CACNA1D: variants seen among roughly 807,000 people sequenced by gnomAD.
CACNA1D encodes the protein voltage-dependent L-type calcium channel subunit alpha-1D.
Under a neutral mutation model 257.1 loss-of-function variants are expected in CACNA1D, and 55 were observed. The ratio of observed to expected loss-of-function variants is 0.21; its 90% CI spans 0.17 to 0.27. The LOEUF is 0.27. CACNA1D is among the 10% of genes least tolerant of loss of function. The pLI, the probability that CACNA1D is intolerant of heterozygous loss-of-function variation, is 1.00. For synonymous variants in CACNA1D, 980 were observed against 1,014.9 expected, an observed-to-expected ratio of 0.97 and a Z score of 0.65; for missense variants, 1,876 against 2,784.0, an observed-to-expected ratio of 0.67 and a Z score of 7.34.
rs149172870 is a variant in CACNA1D, at chr3:53,793,350, C to T, written c.4923+6398C>T. 4.6e-5 allele frequency among the ~76,000 whole-genome samples: 7 copies of T among 152,310 alleles called. No individual in the cohort carries two copies. Among genetic ancestry groups the T allele is most frequent in the East Asian group, 3.9e-4 (2 of 5,176 alleles). Reference sequence around the variant, plus strand: ...GAAGCCCGTCAGTCCTGTGGGGGTCCGTCAGTCCCTCTGTCTGTCTTTGAC... The same window carrying T: ...GAAGCCCGTCAGTCCTGTGGGGGTCTGTCAGTCCCTCTGTCTGTCTTTGAC... On this transcript the variant is annotated intron_variant, in intron 40 of 47. Transcript: ENST00000350061. This position sits in a 1 kb window ranked among gnomAD's most constrained non-coding sequence, Gnocchi z 4.1.
intron 3 of CACNA1D, among the ~76,000 whole-genome samples, chr3:53,627,874 G>A (rs1460320809): frequency 2.0e-5 from 3 of 152,042 alleles, no homozygotes; most frequent in African/African-American, 4.8e-5. Flanking sequence ...TTAGCCCAGT[G>A]TGGTGGTAGG....
At chr3:53,681,957 T>C (rs1576335619) in intron 8 of CACNA1D, among the ~76,000 whole-genome samples, 1 of 151,754 alleles carries the variant, frequency 6.6e-6, no homozygotes. Context: ...GAAGCTAGGG[T>C]GACAGGAACT....
intron 8 of CACNA1D, among the ~76,000 whole-genome samples, chr3:53,675,042 C>T (rs1040206953): frequency 1.3e-5 from 2 of 152,206 alleles, no homozygotes; most frequent in African/African-American, 2.4e-5. Flanking sequence ...TTATCCATCT[C>T]GGCTTCCTTT....
At chr3:53,737,084 A>G (rs567064826) in intron 20 of CACNA1D, among the ~76,000 whole-genome samples, 325 of 152,098 alleles carry the variant, frequency 2.1e-3, no homozygotes, top group African/African-American at 7.6e-3. Flanking sequence ...GGATCGCTTG[A>G]GGTCAGGAGT....
At chr3:53,601,501 G>T (rs1336965321) in intron 3 of CACNA1D, among the ~76,000 whole-genome samples, 1 of 152,140 alleles carries the variant, frequency 6.6e-6, no homozygotes, top group Non-Finnish European at 1.5e-5. Context: ...TAATTCCTGG[G>T]ATTCTAAAAT....
At chr3:53,514,004 C>G (rs59968724) in intron 3 of CACNA1D, among the ~76,000 whole-genome samples, 10,640 of 152,166 alleles carry the variant, frequency 0.07, 539 homozygotes, top group African/African-American at 0.14. Flanking sequence ...ATGAAATTGC[C>G]TAACAATGCA....
intron 40 of CACNA1D, among the ~76,000 whole-genome samples, chr3:53,796,675 A>G (rs1330188888): frequency 5.3e-5 from 8 of 152,268 alleles, no homozygotes; most frequent in Non-Finnish European, 1.2e-4. Flanking sequence ...ATCATTCAAT[A>G]GAATATCTAT....
intron 29 of CACNA1D, among the ~76,000 whole-genome samples, chr3:53,760,762 C>G (rs17053480): frequency 0.026 from 4,031 of 152,292 alleles, 111 homozygotes; most frequent in East Asian, 0.15. Flanking sequence ...TGCAAGATAG[C>G]AGGACCTGAA....
intron 3 of CACNA1D, among the ~76,000 whole-genome samples, chr3:53,614,046 T>G (rs2093610313): frequency 6.8e-6 from 1 of 147,430 alleles, no homozygotes; most frequent in African/African-American, 2.6e-5. Context: ...TAGTGCCAGC[T>G]ACTAGGAGGC....
intron 3 of CACNA1D, among the ~76,000 whole-genome samples, chr3:53,640,344 G>A (rs1402415994): frequency 6.6e-6 from 1 of 152,204 alleles, no homozygotes; most frequent in Admixed American, 6.5e-5. Context: ...TAGAAATAAA[G>A]CATAACTCTG....
chr3:53,727,034 G>T (rs188545696), intron 15 of CACNA1D, 35 bp downstream of exon 15: 6 of 1,613,256 alleles, frequency 3.7e-6, no homozygotes, highest in Admixed American at 3.3e-5. Flanking sequence ...TGTTGTTGCC[G>T]TCGTTATCTG....
At chr3:53,531,980 G>A (rs1002610542) in intron 3 of CACNA1D, among the ~76,000 whole-genome samples, 2 of 152,142 alleles carry the variant, frequency 1.3e-5, no homozygotes, top group South Asian at 2.1e-4. Flanking sequence ...GGATCCCCTC[G>A]GTCTTTGGTC....
intron 40 of CACNA1D, chr3:53,796,047 G>T: frequency 4.7e-6 from 1 of 212,158 alleles, no homozygotes; most frequent in Non-Finnish European, 1.0e-5. Context: ...ACAAAATAAG[G>T]GGTGTGCCCA....
chr3:53,725,471 C>G (rs1321465601), intron 14 of CACNA1D, among the ~76,000 whole-genome samples: 1 of 152,162 alleles, frequency 6.6e-6, no homozygotes, highest in Non-Finnish European at 1.5e-5. Context: ...GATAAACTCC[C>G]AGAGATGGAA....
In CACNA1D at chr3:53,789,246, C is replaced by T. The variant is rs1264739944; in HGVS notation, c.4923+2294C>T. ...ATGGCTCCATTGGGAGCTGAAGCAT[C>T]GTCTGTAATTTATGTTGAGAATGCA... is the stretch of plus-strand genomic sequence containing the variant. On this transcript the variant is annotated intron_variant, in intron 40 of 47. Transcript: ENST00000350061. The surrounding 1 kb of genome is among the most constrained non-coding windows in gnomAD (Gnocchi z 4.2). Among the ~76,000 whole-genome samples the T allele has an allele frequency of 6.6e-6, 1 of 152,180 alleles. No individual in the cohort carries two copies. The highest frequency in any genetic ancestry group is 1.5e-5 in the Non-Finnish European group (1 of 68,046).
At chr3:53,794,916 C>T (rs1383153615) in intron 40 of CACNA1D, among the ~76,000 whole-genome samples, 1 of 152,224 alleles carries the variant, frequency 6.6e-6, no homozygotes, top group African/African-American at 2.4e-5. Context: ...GGGAATGCTA[C>T]TAGGTCCCCC....
chr3:53,691,909 T>G (rs372476681), intron 8 of CACNA1D, among the ~76,000 whole-genome samples: 1 of 62,538 alleles, frequency 1.6e-5, no homozygotes, highest in East Asian at 5.0e-4. Context: ...ACATATATTA[T>G]ATATAATATA....
At chr3:53,643,399 C>G (rs549098382) in intron 3 of CACNA1D, among the ~76,000 whole-genome samples, 15 of 152,112 alleles carry the variant, frequency 9.9e-5, no homozygotes, top group Non-Finnish European at 8.8e-5. Context: ...GATAGCGCTG[C>G]GGCTCCCCTG....
At chr3:53,651,557 T>C (rs1198296121) in intron 4 of CACNA1D, among the ~76,000 whole-genome samples, 1 of 152,104 alleles carries the variant, frequency 6.6e-6, no homozygotes, top group Non-Finnish European at 1.5e-5. Context: ...GTAGTTTTAG[T>C]GAAAGGAGAA....
Sources: allele counts gnomAD v4.1 joint callset (sites outside exome capture counted in the v4.1 genomes callset), GRCh38; gene constraint gnomAD v4.1.1; non-coding constraint Gnocchi (gnomAD v3.1); transcripts MANE v1.5; gene names NCBI Gene and HGNC (gene_info 2026-07-23, HGNC 2026-07-21).